Variants in ABLIM1 observed in about 807,000 individuals in gnomAD.
The protein encoded by ABLIM1 is actin-binding LIM protein 1.
Under a neutral mutation model 107.0 loss-of-function variants are expected in ABLIM1, and 40 were observed. The ratio of observed to expected loss-of-function variants is 0.37; its 90% CI spans 0.29 to 0.49. The LOEUF is 0.49. Among genes scored for constraint, ABLIM1 ranks in the 20% least tolerant of loss-of-function variants. ABLIM1 has a pLI of 0.97. For synonymous variants in ABLIM1, 357 were observed against 357.3 expected, an observed-to-expected ratio of 1.00 and a Z score of 0.01; for missense variants, 857 against 1,008.5, an observed-to-expected ratio of 0.85 and a Z score of 2.04.
At chr10:114,542,408 T>A (rs1591049475) in intron 6 of ABLIM1, among the ~76,000 whole-genome samples, 2 of 101,806 alleles carry the variant, frequency 2.0e-5, no homozygotes, top group East Asian at 2.5e-4. Flanking sequence ...AAACCTTGTC[T>A]CTAAAAAAAA....
rs1013658414 is a variant in ABLIM1 at position 114,433,480 on chromosome 10, C to T, written c.*2780G>A. The T allele has an allele frequency of 6.6e-6, 1 of 152,262 alleles. No homozygotes were observed. The highest frequency in any genetic ancestry group is 1.5e-5 in the Non-Finnish European group (1 of 68,056). The allele number at this position is 152,262 out of a possible 1,614,324, so 9.4% of individuals were successfully genotyped here. A position where few individuals can be genotyped will look rare whatever the true frequency, so the allele number is the denominator to read the frequency against. ...GACCCCTCCCCAGAGCAGAGCACTACTCTGCTTGCAGATAGGAGGCTACTG... is the reference window on the plus strand; with the variant it reads ...GACCCCTCCCCAGAGCAGAGCACTATTCTGCTTGCAGATAGGAGGCTACTG... On this transcript the variant is annotated 3_prime_UTR_variant, in exon 23 of 23. Transcript: ENST00000533213.
intron 12 of ABLIM1, among the ~76,000 whole-genome samples, chr10:114,464,994 A>C (rs1398186912): frequency 7.2e-5 from 11 of 152,236 alleles, no homozygotes; most frequent in Non-Finnish European, 1.6e-4. Context: ...TAGTAGCTAC[A>C]GAGACTAAAT....
chr10:114,441,058 G>A lies in ABLIM1; in HGVS notation c.2018C>T (p.Ala673Val). The A allele has an allele frequency of 6.3e-7, 1 of 1,587,040 alleles. No individual in the cohort carries two copies. ...GACATCCCCATAGCTGTTATACTGA[G>A]CGAAGTCGGTAGAAACAGGCTGAAA... ...GLHRPVSTDF[A>V]QYNSYGDVSG... Residue 673 changes from alanine (A) to valine (V), a missense_variant, in exon 19 of 23, where the codon GCT becomes GTT. By Grantham distance (64) the Ala-to-Val change is moderately conservative. Around this residue, in one of 5 missense-constraint regions of ABLIM1, gnomAD observed 193 missense variants for 208.5 expected, o/e 0.93. Coordinates refer to ENST00000533213, the MANE Select transcript of ABLIM1 (RefSeq NM_002313.7).
chr10:114,509,875 C>T (rs2061616925), intron 6 of ABLIM1, among the ~76,000 whole-genome samples: 1 of 152,204 alleles, frequency 6.6e-6, no homozygotes, highest in Non-Finnish European at 1.5e-5. Flanking sequence ...TTCCACATGG[C>T]TGACACGGGG....
At chr10:114,594,612 T>G (rs1404918681) in intron 2 of ABLIM1, among the ~76,000 whole-genome samples, 1 of 151,922 alleles carries the variant, frequency 6.6e-6, no homozygotes, top group Non-Finnish European at 1.5e-5. Flanking sequence ...TATCTGGGCA[T>G]GGTGGCGAGT....
chr10:114,656,422 TA>T (rs2079524253), intron 1 of ABLIM1, among the ~76,000 whole-genome samples: 2 of 152,146 alleles, frequency 1.3e-5, no homozygotes, highest in Non-Finnish European at 2.9e-5. Flanking sequence ...TAGACATAGT[TA>T]TTATATGACC....
chr10:114,718,100 A>G (rs808264), intron 1 of ABLIM1, among the ~76,000 whole-genome samples: 54,591 of 117,604 alleles, frequency 0.46, 16,608 homozygotes, highest in Non-Finnish European at 0.57. Flanking sequence ...GAAGGAAAAG[A>G]AAAAGAAAAA....
intron 2 of ABLIM1, among the ~76,000 whole-genome samples, chr10:114,589,287 T>C (rs1409541614): frequency 6.7e-6 from 1 of 149,770 alleles, no homozygotes; most frequent in African/African-American, 2.5e-5. Context: ...CCCAGAACTG[T>C]GGGAGGCTGA....
At chr10:114,437,802 A>T in intron 22 of ABLIM1, 42 bp downstream of exon 22, 1 of 1,530,036 alleles carries the variant, frequency 6.5e-7, no homozygotes. Flanking sequence ...GGGAGTGCAT[A>T]GGGATCTGCA....
intron 1 of ABLIM1, among the ~76,000 whole-genome samples, chr10:114,701,630 C>T (rs1230100539): frequency 6.6e-6 from 1 of 152,166 alleles, no homozygotes; most frequent in African/African-American, 2.4e-5. Flanking sequence ...AGGCATCACA[C>T]AGACCTTACA....
At chr10:114,627,601 G>A (rs2077897697) in intron 1 of ABLIM1, among the ~76,000 whole-genome samples, 1 of 152,074 alleles carries the variant, frequency 6.6e-6, no homozygotes, top group South Asian at 2.1e-4. Flanking sequence ...AATCCTAAAG[G>A]AAAAGAAAGA....
At chr10:114,595,436 AATACAACCATG>A (rs1479926353) in intron 2 of ABLIM1, among the ~76,000 whole-genome samples, 11 of 152,228 alleles carry the variant, frequency 7.2e-5, no homozygotes, top group African/African-American at 2.7e-4. Flanking sequence ...TACAGCGTAA[AATACAACCATG>A]ATACAGACAA....
chr10:114,451,042 G>T (rs2061801352), intron 14 of ABLIM1, among the ~76,000 whole-genome samples: 1 of 152,144 alleles, frequency 6.6e-6, no homozygotes, highest in Admixed American at 6.5e-5. Context: ...TAACTAACTG[G>T]TTTTTACAGA....
chr10:114,625,551 A>T (rs1287498878), intron 1 of ABLIM1, among the ~76,000 whole-genome samples: 1 of 151,898 alleles, frequency 6.6e-6, no homozygotes, highest in Non-Finnish European at 1.5e-5. Flanking sequence ...AGGTGCACAG[A>T]GTAATTCTAG....
intron 4 of ABLIM1, among the ~76,000 whole-genome samples, chr10:114,552,278 A>G (rs1339919481): frequency 6.6e-6 from 1 of 152,230 alleles, no homozygotes; most frequent in East Asian, 1.9e-4. Context: ...CATAAAGAAC[A>G]AAATGTCCTA....
At chr10:114,686,887 A>C (rs952126873), upstream of ABLIM1, among the ~76,000 whole-genome samples, 1 of 151,948 alleles carries the variant, frequency 6.6e-6, no homozygotes, top group Non-Finnish European at 1.5e-5. Flanking sequence ...TCAGCCTCCC[A>C]AAGTGCTGCG....
chr10:114,448,032 T>A lies in ABLIM1; in HGVS notation c.1595-12A>T. ...GGCTGCCAAGGCAGCTGCATCTAGA[T>A]GGGAATCAGGGGTTGCTTAGCTATT... On this transcript the variant is annotated splice_polypyrimidine_tract_variant and intron_variant, in intron 14 of 22. Transcript: ENST00000533213. The A allele has an allele frequency of 6.2e-7, 1 of 1,614,092 alleles. No homozygotes were observed. Among genetic ancestry groups the A allele is most frequent in the Non-Finnish European group, 8.5e-7 (1 of 1,179,962 alleles).
At chr10:114,578,226 G>A (rs2072851404) in intron 2 of ABLIM1, among the ~76,000 whole-genome samples, 1 of 152,174 alleles carries the variant, frequency 6.6e-6, no homozygotes, top group South Asian at 2.1e-4. Context: ...GTAGCTGTGT[G>A]CTGGGCACAG....
In ABLIM1 at chr10:114,436,328, T is replaced by C. The variant is rs766478953; in HGVS notation, c.2269A>G (p.Ile757Val). The change falls in exon 23 of 23, where the codon ATA becomes GTA. Residue 757 changes from isoleucine (I) to valine (V), a missense_variant. By Grantham distance (29) the Ile-to-Val change is conservative (BLOSUM62 3). This residue lies in a region of ABLIM1 where 193 missense variants were observed against 208.5 expected (regional missense o/e 0.93). Transcript: ENST00000533213. ...EVFREIFGMSIQEFDRLPLWR... is the reference protein window; with the variant it reads ...EVFREIFGMSVQEFDRLPLWR... ...AGAGGTAACCTGTCAAACTCCTGTA[T>C]GGACATTCCAAAGATTTCCCGAAAC... 5 of 1,613,686 alleles carry C rather than the reference T, an allele frequency of 3.1e-6. No individual in the cohort carries two copies. The highest frequency in any genetic ancestry group is 1.7e-6 in the Non-Finnish European group (2 of 1,179,964).
Sources: allele counts gnomAD v4.1 joint callset (sites outside exome capture counted in the v4.1 genomes callset), GRCh38; gene constraint gnomAD v4.1.1; regional missense constraint gnomAD v4.1.1; transcripts MANE v1.5; gene names NCBI Gene and HGNC (gene_info 2026-07-23, HGNC 2026-07-21).